EIF2AK2: variants seen among roughly 807,000 people sequenced by gnomAD.
EIF2AK2 encodes eukaryotic translation initiation factor 2 alpha kinase 2, also known as interferon-induced, double-stranded RNA-activated protein kinase.
A neutral mutation model predicts 70.5 loss-of-function variants in EIF2AK2; 40 were observed. That is an observed-to-expected ratio of 0.57 (90% CI 0.44 to 0.74). The LOEUF (loss-of-function observed/expected upper bound fraction) is 0.74, where lower values mean the gene tolerates loss of function less well. EIF2AK2 is among the 30% of genes least tolerant of loss of function. The pLI, the probability that EIF2AK2 is intolerant of heterozygous loss-of-function variation, is 0.00. For missense variants in EIF2AK2, 555 were observed against 644.3 expected (o/e 0.86, Z 1.50); for synonymous variants, 198 against 220.9 (o/e 0.90, Z 0.92).
intron 10 of EIF2AK2, among the ~76,000 whole-genome samples, chr2:37,127,350 A>G (rs546513817): frequency 2.0e-4 from 30 of 152,246 alleles, no homozygotes; most frequent in African/African-American, 6.7e-4. Flanking sequence ...GAGGGATGAA[A>G]ACTGAGTCTG....
intron 8 of EIF2AK2, 36 bp from the exon 9 acceptor site, chr2:37,137,053 A>G (rs1487258327): frequency 1.3e-6 from 2 of 1,562,916 alleles, no homozygotes; most frequent in Non-Finnish European, 1.7e-6. Flanking sequence ...GTTTCAGATG[A>G]CTAAATCAGT....
intron 12 of EIF2AK2, among the ~76,000 whole-genome samples, chr2:37,120,377 C>A (rs920060137): frequency 1.3e-5 from 2 of 151,042 alleles, no homozygotes; most frequent in South Asian, 2.1e-4. Flanking sequence ...TGGTGGCGGG[C>A]GCCTGTAGTC....
At chr2:37,110,978 A>AGGG (rs1674122484) in intron 14 of EIF2AK2, among the ~76,000 whole-genome samples, 1 of 152,222 alleles carries the variant, frequency 6.6e-6, no homozygotes, top group Admixed American at 6.6e-5. Context: ...AGTCAGCCTT[A>AGGG]AAAAGAAATT....
intron 10 of EIF2AK2, among the ~76,000 whole-genome samples, chr2:37,128,776 T>C (rs537185847): frequency 7.2e-5 from 11 of 152,196 alleles, no homozygotes; most frequent in Admixed American, 5.2e-4. Context: ...TGGCCAATGA[T>C]GCAGTCCCCC....
intron 15 of EIF2AK2, among the ~76,000 whole-genome samples, chr2:37,108,331 A>G (rs1042614800): frequency 2.0e-5 from 3 of 151,996 alleles, no homozygotes; most frequent in South Asian, 2.1e-4. Context: ...GCTGTCCCCA[A>G]ATACACTCTG....
At chr2:37,151,788 A>G (rs1051880282) in intron 1 of EIF2AK2, among the ~76,000 whole-genome samples, 1 of 152,236 alleles carries the variant, frequency 6.6e-6, no homozygotes, top group African/African-American at 2.4e-5. Flanking sequence ...ACATGCTACA[A>G]CATGGATAGG....
Position 37,104,914 on chromosome 2 carries a change from G to C in EIF2AK2, c.*2359C>G, listed in dbSNP as rs2148659761. The C allele has an allele frequency of 6.6e-6, 1 of 152,230 alleles. No homozygotes were observed. Among genetic ancestry groups the C allele is most frequent in the Admixed American group, 6.5e-5 (1 of 15,298 alleles). 9.4% of individuals were successfully genotyped at this position (152,230 alleles called of 1,614,324 possible). ...TGGGTGATGCTAAATTGAATCACTT[G>C]GTTATTGTGGTGACCATTGTAAAGG... On this transcript the variant is annotated 3_prime_UTR_variant, in exon 17 of 17. Transcript: ENST00000233057.
rs1675670501 is a variant in EIF2AK2 at position 37,149,529 on chromosome 2, T to C, written c.-183-506A>G. 2.0e-5 allele frequency among the ~76,000 whole-genome samples: 3 copies of C among 151,080 alleles called. No individual in the cohort carries two copies. In the Middle Eastern group the frequency reaches 0.01, roughly 514 times the overall value. Reference sequence around the variant, plus strand: ...GCCTGCCTGGACCAATATAAACATGTAGGGTGTAGGCAGGTCCTCAATGTG... The same window carrying C: ...GCCTGCCTGGACCAATATAAACATGCAGGGTGTAGGCAGGTCCTCAATGTG... On this transcript the variant is annotated intron_variant, in intron 1 of 16. Transcript: ENST00000233057.
At chr2:37,156,866 C>A (rs1158759838) in intron 1 of EIF2AK2, 42 bp downstream of exon 1, 1 of 157,718 alleles carries the variant, frequency 6.3e-6, no homozygotes, top group Non-Finnish European at 1.4e-5. Context: ...CCCCCCGGCC[C>A]CCGCTCCCCG....
chr2:37,156,416 G>A (rs1259085842), intron 1 of EIF2AK2, among the ~76,000 whole-genome samples: 1 of 152,184 alleles, frequency 6.6e-6, no homozygotes, highest in East Asian at 1.9e-4. Flanking sequence ...AGGTTCAGGG[G>A]TGAGGATACG....
At position 37,099,408 on chromosome 2, in the gene EIF2AK2, T is replaced by G. The variant is rs1015988417; in HGVS notation, c.*7865A>C. 3 of 152,206 alleles carry G rather than the reference T, an allele frequency of 2.0e-5. No homozygotes were observed. The highest frequency in any genetic ancestry group is 4.4e-5 in the Non-Finnish European group (3 of 68,032). The allele number at this position is 152,206 out of a possible 1,614,324, so 9.4% of individuals were successfully genotyped here. A position where few individuals can be genotyped will look rare whatever the true frequency, so the allele number is the denominator to read the frequency against. On this transcript the variant is annotated 3_prime_UTR_variant, in exon 17 of 17. Coordinates refer to ENST00000233057, the MANE Select transcript of EIF2AK2 (RefSeq NM_001135651.3). Reference sequence around the variant, plus strand: ...AAGAAGAACAGCTTGTCCCCACTCTTACAGTGTAATGAAATTAGCAGTATA... The same window carrying G: ...AAGAAGAACAGCTTGTCCCCACTCTGACAGTGTAATGAAATTAGCAGTATA...
At chr2:37,118,865 A>G (rs549406676) in intron 13 of EIF2AK2, among the ~76,000 whole-genome samples, 13 of 152,274 alleles carry the variant, frequency 8.5e-5, no homozygotes, top group African/African-American at 3.1e-4. Context: ...TTTTTGTTTC[A>G]TTCCTTATTC....
rs1673800788 is a variant in EIF2AK2, at chr2:37,100,466, C to A, written c.*6807G>T. The A allele has an allele frequency of 6.6e-6, 1 of 152,232 alleles. No homozygotes were observed. The highest frequency in any genetic ancestry group is 2.4e-5 in the African/African-American group (1 of 41,456). The allele number at this position is 152,232 out of a possible 1,614,324, so 9.4% of individuals were successfully genotyped here. A position where few individuals can be genotyped will look rare whatever the true frequency, so the allele number is the denominator to read the frequency against. On this transcript the variant is annotated 3_prime_UTR_variant, in exon 17 of 17. Coordinates refer to ENST00000233057, the MANE Select transcript of EIF2AK2 (RefSeq NM_001135651.3). ...TCAAATTAACCCCATAAGAGCCACACAGATTTGAGAAGCATTTTATTTGCC... is the reference window on the plus strand; with the variant it reads ...TCAAATTAACCCCATAAGAGCCACAAAGATTTGAGAAGCATTTTATTTGCC...
At chr2:37,123,774 C>T (rs114514628) in intron 11 of EIF2AK2, among the ~76,000 whole-genome samples, 1,661 of 152,248 alleles carry the variant, frequency 0.011, 27 homozygotes, top group African/African-American at 0.036. Flanking sequence ...GAAGGCTTTA[C>T]AGGGATGTGT....
At chr2:37,151,946 G>A (rs1478932606) in intron 1 of EIF2AK2, among the ~76,000 whole-genome samples, 1 of 152,190 alleles carries the variant, frequency 6.6e-6, no homozygotes, top group Non-Finnish European at 1.5e-5. Context: ...CGCGCCTGTA[G>A]TCCCAGCTAC....
intron 1 of EIF2AK2, among the ~76,000 whole-genome samples, chr2:37,152,255 T>C (rs1320697540): frequency 2.0e-5 from 3 of 152,198 alleles, no homozygotes; most frequent in Non-Finnish European, 2.9e-5. Flanking sequence ...GAAAGCTCTT[T>C]TGATCTTCTT....
Position 37,156,904 on chromosome 2 carries a change from T to TCACCTGCGC in EIF2AK2, c.-189_-184+3dup. The TCACCTGCGC allele has an allele frequency of 5.6e-6, 1 of 178,292 alleles. No homozygotes were observed. Among genetic ancestry groups the TCACCTGCGC allele is most frequent in the Non-Finnish European group, 1.1e-5 (1 of 90,868 alleles). 11.0% of individuals were successfully genotyped at this position (178,292 alleles called of 1,614,324 possible). A position where few individuals can be genotyped will look rare whatever the true frequency, so the allele number is the denominator to read the frequency against. On this transcript the variant is annotated splice_donor_region_variant and intron_variant, in intron 1 of 16. Transcript: ENST00000233057. The stretch of plus-strand genomic sequence containing the variant: ...CTCCCTCGGCTGCCCCCTGCCCTGC[T>TCACCTGCGC]CACCTGCGCCGCCGCCGCCGCCGCC...
chr2:37,119,380 G>A (rs184007607), intron 13 of EIF2AK2, among the ~76,000 whole-genome samples: 3 of 152,192 alleles, frequency 2.0e-5, no homozygotes, highest in East Asian at 3.9e-4. Context: ...TATTCCTAAA[G>A]CAACAGTCAA....
intron 11 of EIF2AK2, among the ~76,000 whole-genome samples, 156 bp downstream of exon 11, chr2:37,126,133 C>G (rs1477901304): frequency 6.6e-6 from 1 of 151,868 alleles, no homozygotes; most frequent in African/African-American, 2.4e-5. Context: ...GAGATCATCT[C>G]GGAGTAAGCC....
Sources: allele counts gnomAD v4.1 joint callset (sites outside exome capture counted in the v4.1 genomes callset), GRCh38; gene constraint gnomAD v4.1.1; transcripts MANE v1.5; gene names NCBI Gene and HGNC (gene_info 2026-07-23, HGNC 2026-07-21).